ARHGAP15: variants seen among roughly 807,000 people sequenced by gnomAD.
ARHGAP15 encodes the protein rho GTPase-activating protein 15.
In ARHGAP15, 51 loss-of-function variants were observed where a neutral mutation model predicts 63.7. That is an observed-to-expected ratio of 0.80 (90% CI 0.64 to 1.01). The LOEUF is 1.01. Ranked by LOEUF, ARHGAP15 falls within the 50% of genes least tolerant of loss-of-function variation. The pLI is 0.00. For synonymous variants in ARHGAP15, 191 were observed against 193.8 expected, an observed-to-expected ratio of 0.99 and a Z score of 0.12; for missense variants, 560 against 564.6, an observed-to-expected ratio of 0.99 and a Z score of 0.08.
intron 10 of ARHGAP15, among the ~76,000 whole-genome samples, chr2:143,528,469 TAAG>T (rs1025536772): frequency 6.6e-6 from 1 of 152,022 alleles, no homozygotes; most frequent in Non-Finnish European, 1.5e-5. Flanking sequence ...ATAATTAAAA[TAAG>T]AAATATATGG....
intron 6 of ARHGAP15, among the ~76,000 whole-genome samples, chr2:143,389,061 A>T (rs1007292062): frequency 8.7e-5 from 13 of 149,964 alleles, no homozygotes; most frequent in African/African-American, 2.4e-4. Context: ...TTCAGTTTTT[A>T]AAAGGAGTAG....
At chr2:143,233,915 G>A (rs1301674247) in intron 5 of ARHGAP15, among the ~76,000 whole-genome samples, 1 of 152,072 alleles carries the variant, frequency 6.6e-6, no homozygotes, top group African/African-American at 2.4e-5. Flanking sequence ...AAAGTGCTGG[G>A]ATTACAGGTG....
At chr2:143,732,242 G>A (rs1054315483) in intron 13 of ARHGAP15, among the ~76,000 whole-genome samples, 20 of 152,270 alleles carry the variant, frequency 1.3e-4, no homozygotes, top group African/African-American at 4.3e-4. Flanking sequence ...CTACATGGAG[G>A]TAAAATGACT....
chr2:143,319,548 A>G (rs1268851966), intron 6 of ARHGAP15, among the ~76,000 whole-genome samples: 1 of 151,972 alleles, frequency 6.6e-6, no homozygotes, highest in African/African-American at 2.4e-5. Flanking sequence ...TAATGCTGTT[A>G]ATTTCTATTT....
intron 13 of ARHGAP15, among the ~76,000 whole-genome samples, chr2:143,731,273 A>G (rs1685522422): frequency 6.6e-6 from 1 of 152,188 alleles, no homozygotes; most frequent in South Asian, 2.1e-4. Flanking sequence ...TAATTATTCT[A>G]GGTCGTTAAA....
At chr2:143,284,520 TAAATAAATAA>T (rs1318988508) in intron 6 of ARHGAP15, among the ~76,000 whole-genome samples, 2 of 152,026 alleles carry the variant, frequency 1.3e-5, no homozygotes, top group African/African-American at 4.8e-5. Context: ...GGAAAATATA[TAAATAAATAA>T]AAAGTAACTG....
intron 5 of ARHGAP15, 90 bp from the exon 6 acceptor site, chr2:143,250,421 T>C: frequency 1.0e-6 from 1 of 971,972 alleles, no homozygotes; most frequent in Non-Finnish European, 1.6e-6. Context: ...CATAAATATG[T>C]ATAGCTGCTA....
chr2:143,224,998 T>TA (rs1198261692), intron 4 of ARHGAP15, among the ~76,000 whole-genome samples: 3 of 152,128 alleles, frequency 2.0e-5, no homozygotes, highest in Non-Finnish European at 4.4e-5. Flanking sequence ...GAACAGTATA[T>TA]AAAAAAGAAA....
intron 6 of ARHGAP15, among the ~76,000 whole-genome samples, chr2:143,333,131 G>A (rs576334629): frequency 6.6e-6 from 1 of 152,224 alleles, no homozygotes; most frequent in South Asian, 2.1e-4. Context: ...AACATCTTGG[G>A]CAATCCTTTG....
At chr2:143,445,759 T>C (rs895346026) in intron 8 of ARHGAP15, among the ~76,000 whole-genome samples, 7 of 152,196 alleles carry the variant, frequency 4.6e-5, no homozygotes, top group Non-Finnish European at 1.0e-4. Flanking sequence ...CCTATTTTAT[T>C]TGAAAGAGTT....
intron 11 of ARHGAP15, among the ~76,000 whole-genome samples, chr2:143,583,149 G>C (rs1452721847): frequency 6.6e-6 from 1 of 152,202 alleles, no homozygotes; most frequent in African/African-American, 2.4e-5. Context: ...GGCTTAAAAT[G>C]TAAGAGGAGT....
At chr2:143,606,047 AAAAAAAAAAAAAAAAAAAAAAAAG>A (rs1456323244) in intron 11 of ARHGAP15, among the ~76,000 whole-genome samples, 3 of 102,584 alleles carry the variant, frequency 2.9e-5, no homozygotes, top group East Asian at 6.8e-4. Flanking sequence ...AAAAAAAAAA[AAAAAAAAAAAAAAAAAAAAAAAAG>A]CCATACATCT....
intron 6 of ARHGAP15, among the ~76,000 whole-genome samples, chr2:143,300,120 G>A (rs1204858017): frequency 1.3e-5 from 2 of 151,874 alleles, no homozygotes; most frequent in Non-Finnish European, 2.9e-5. Context: ...CTATTCAAAG[G>A]GGCATAAAGT....
At chr2:143,252,969 T>C (rs114421794) in intron 6 of ARHGAP15, among the ~76,000 whole-genome samples, 2 of 152,176 alleles carry the variant, frequency 1.3e-5, no homozygotes, top group Non-Finnish European at 2.9e-5. Context: ...ATGTGTGCAA[T>C]GGTTTCATTA....
intron 6 of ARHGAP15, among the ~76,000 whole-genome samples, chr2:143,347,779 C>T (rs1384218914): frequency 6.7e-6 from 1 of 149,242 alleles, no homozygotes; most frequent in Admixed American, 6.7e-5. Flanking sequence ...GGGAGAGAAA[C>T]AAAGATACCC....
chr2:143,448,868 C>T (rs1690267204), intron 8 of ARHGAP15, among the ~76,000 whole-genome samples: 1 of 151,934 alleles, frequency 6.6e-6, no homozygotes, highest in Non-Finnish European at 1.5e-5. Flanking sequence ...AAAAACATTA[C>T]CATATGACAT....
intron 9 of ARHGAP15, among the ~76,000 whole-genome samples, chr2:143,516,199 C>T (rs1025698290): frequency 1.3e-5 from 2 of 152,166 alleles, no homozygotes; most frequent in African/African-American, 4.8e-5. Flanking sequence ...GGGAATGAGT[C>T]TTGGTTGTTA....
intron 6 of ARHGAP15, among the ~76,000 whole-genome samples, chr2:143,299,762 A>G (rs1484737678): frequency 6.6e-6 from 1 of 152,038 alleles, no homozygotes; most frequent in Non-Finnish European, 1.5e-5. Context: ...AGTGTTTTCC[A>G]TGAATGTGTA....
intron 13 of ARHGAP15, among the ~76,000 whole-genome samples, chr2:143,731,513 A>G (rs1377875882): frequency 6.6e-6 from 1 of 152,172 alleles, no homozygotes; most frequent in Non-Finnish European, 1.5e-5. Flanking sequence ...TCGTCCCTCC[A>G]GTTCAGGTTC....
Sources: gnomAD v4.1 joint callset for allele counts (sites outside exome capture counted in the v4.1 genomes callset) on GRCh38, gnomAD v4.1.1 for gene constraint, MANE v1.5 for transcripts, NCBI Gene and HGNC (gene_info 2026-07-23, HGNC 2026-07-21) for gene names.